The following CFAP161 variants were observed in gnomAD, a reference collection of about 807,000 sequenced individuals.
The protein encoded by CFAP161 is cilia- and flagella-associated protein 161.
A neutral mutation model predicts 29.0 loss-of-function variants in CFAP161; 25 were observed. The ratio of observed to expected loss-of-function variants is 0.86; its 90% CI spans 0.63 to 1.20. CFAP161 has a LOEUF of 1.20. Among genes scored for constraint, CFAP161 ranks in the 50% most tolerant of loss-of-function variants. CFAP161 has a pLI of 0.00. For synonymous variants in CFAP161, 116 were observed against 137.4 expected (o/e 0.84, Z 1.09); for missense variants, 367 against 371.9 (o/e 0.99, Z 0.11).
At chr15:81,126,935 A>G (rs1436063731) in intron 1 of CFAP161, among the ~76,000 whole-genome samples, 4 of 152,220 alleles carry the variant, frequency 2.6e-5, no homozygotes, top group African/African-American at 9.7e-5. Context: ...AAAAATAGAG[A>G]GATAGAGAAC....
chr15:81,147,395 A>T, intron 5 of CFAP161, among the ~76,000 whole-genome samples: 1 of 152,222 alleles, frequency 6.6e-6, no homozygotes, highest in African/African-American at 2.4e-5. Context: ...TTTTTGGTGG[A>T]CGCATCTTTG....
intron 1 of CFAP161, 39 bp downstream of exon 1, chr15:81,134,437 G>T (rs2141877431): frequency 1.3e-6 from 2 of 1,555,034 alleles, no homozygotes; most frequent in South Asian, 1.2e-5. Flanking sequence ...CGCAGCTCAG[G>T]AACTCCCAGA....
intron 4 of CFAP161, among the ~76,000 whole-genome samples, chr15:81,142,864 A>G (rs1015256324): frequency 2.6e-5 from 4 of 152,184 alleles, no homozygotes; most frequent in Admixed American, 1.3e-4. Context: ...AGGCAGCCAG[A>G]TAGCCGACAT....
Position 81,134,372 on chromosome 15 carries a change from T to C in CFAP161, c.43T>C (p.Trp15Arg). The change falls in exon 1 of 7, where the codon TGG (tryptophan) becomes CGG (arginine). Residue 15 changes from tryptophan to arginine, a missense_variant. Transcript: ENST00000286732. ...VYGPGVRIGNWNEDVYLEEEL... is the reference protein window; with the variant it reads ...VYGPGVRIGNRNEDVYLEEEL... ...TGGTCCGGGAGTCCGGATAGGCAAC[T>C]GGAATGAGGATGTCTACCTGGAGGA... 1 of 1,590,574 alleles carries C rather than the reference T, an allele frequency of 6.3e-7. No homozygotes were observed.
intron 1 of CFAP161, among the ~76,000 whole-genome samples, chr15:81,104,763 C>G (rs1196372105): frequency 3.3e-5 from 5 of 152,164 alleles, no homozygotes; most frequent in Non-Finnish European, 7.3e-5. Flanking sequence ...TCCAGGCATC[C>G]CTGTAGGCTT....
intron 3 of CFAP161, among the ~76,000 whole-genome samples, chr15:81,137,352 T>G (rs577081967): frequency 6.6e-6 from 1 of 152,296 alleles, no homozygotes; most frequent in Admixed American, 6.5e-5. Flanking sequence ...CCCAATACTT[T>G]GGGAAGTCAA....
chr15:81,143,724 A>G lies in CFAP161; in HGVS notation c.540A>G (p.Glu180=), dbSNP rs1419795621. 1 of 1,613,972 alleles carries G rather than the reference A, an allele frequency of 6.2e-7. No individual in the cohort carries two copies. The highest frequency in any genetic ancestry group is 8.5e-7 in the Non-Finnish European group (1 of 1,180,008). The part of the protein sequence containing the change: ...LKSSKRSWLQ[E]VYLTDEVSHV... ...CGTCTAAGAGGTCTTGGCTCCAGGA[A>G]GTGTACCTAACAGATGAGGTCTCCC... Residue 180 remains glutamate, a synonymous_variant, in exon 5 of 7, where the codon GAA becomes GAG. Transcript: ENST00000286732.
intron 4 of CFAP161, 22 bp from the exon 5 acceptor site, chr15:81,143,640 A>C: frequency 1.9e-6 from 3 of 1,603,830 alleles, no homozygotes; most frequent in Non-Finnish European, 2.6e-6. Flanking sequence ...GACTTAGTGC[A>C]TCTGCTTGCT....
intron 1 of CFAP161, among the ~76,000 whole-genome samples, chr15:81,103,404 C>T (rs950453198): frequency 6.6e-6 from 1 of 152,052 alleles, no homozygotes; most frequent in Non-Finnish European, 1.5e-5. Flanking sequence ...GTCTCAAGAT[C>T]CTCCCCAGGG....
chr15:81,129,250 G>A (rs1402639333), intron 2 of CFAP161, among the ~76,000 whole-genome samples: 1 of 152,042 alleles, frequency 6.6e-6, no homozygotes, highest in Non-Finnish European at 1.5e-5. Flanking sequence ...TCCAGTTATA[G>A]AGCACAGGAA....
chr15:81,113,969 A>G (rs768389681), intron 1 of CFAP161, among the ~76,000 whole-genome samples: 1 of 152,232 alleles, frequency 6.6e-6, no homozygotes, highest in African/African-American at 2.4e-5. Flanking sequence ...AACAAAAGAC[A>G]TTCTCATCAT....
At chr15:81,129,223 C>T (rs1279715586) in intron 2 of CFAP161, among the ~76,000 whole-genome samples, 1 of 151,980 alleles carries the variant, frequency 6.6e-6, no homozygotes, top group African/African-American at 2.4e-5. Context: ...GATGTGCTGT[C>T]ATCCAGGCTT....
At chr15:81,123,545 T>C (rs1445009387) in intron 1 of CFAP161, among the ~76,000 whole-genome samples, 4 of 152,200 alleles carry the variant, frequency 2.6e-5, no homozygotes, top group Admixed American at 1.3e-4. Context: ...TCATATGAAT[T>C]TTAAAATAGT....
At chr15:81,110,582 G>A (rs751986459) in intron 1 of CFAP161, among the ~76,000 whole-genome samples, 101 of 152,250 alleles carry the variant, frequency 6.6e-4, no homozygotes, top group Non-Finnish European at 1.1e-3. Context: ...ACTACTCTGG[G>A]TCCATGCCGG....
chr15:81,146,039 G>A (rs929065464), intron 5 of CFAP161, among the ~76,000 whole-genome samples: 1 of 152,240 alleles, frequency 6.6e-6, no homozygotes, highest in Non-Finnish European at 1.5e-5. Flanking sequence ...GGAGAGGCCA[G>A]TGTTTGGTAT....
At chr15:81,141,140 A>G (rs1894900589) in intron 4 of CFAP161, among the ~76,000 whole-genome samples, 1 of 152,196 alleles carries the variant, frequency 6.6e-6, no homozygotes, top group Non-Finnish European at 1.5e-5. Context: ...AAATTCACAT[A>G]TTTAGTAACT....
At chr15:81,148,090 A>AT (rs1390808383) in intron 6 of CFAP161, among the ~76,000 whole-genome samples, 159 bp downstream of exon 6, 1 of 152,152 alleles carries the variant, frequency 6.6e-6, no homozygotes, top group African/African-American at 2.4e-5. Flanking sequence ...GAAAAATCCT[A>AT]TTAGAGCCCC....
chr15:81,103,407 C>T (rs1364518297), intron 1 of CFAP161, among the ~76,000 whole-genome samples: 4 of 152,096 alleles, frequency 2.6e-5, no homozygotes, highest in Non-Finnish European at 5.9e-5. Context: ...TCAAGATCCT[C>T]CCCAGGGAGG....
Position 81,148,477 on chromosome 15 carries a change from C to A in CFAP161, c.850C>A (p.Pro284Thr), listed in dbSNP as rs2279997. ...ASSSMLDLPK[P>T]PTEDTRAMEQ... is the part of the protein sequence containing the mutation. ...GTCCTCCATGTTGGATCTGCCCAAA[C>A]CACCCACAGAGGACACTCGAGCCAT... Residue 284 changes from proline to threonine, a missense_variant, in exon 7 of 7, where the codon CCA becomes ACA. Physicochemically the swap from Pro to Thr is conservative, Grantham distance 38. Transcript: ENST00000286732. The A allele has an allele frequency of 6.2e-7, 1 of 1,614,194 alleles. No individual in the cohort carries two copies. The highest frequency in any genetic ancestry group is 1.3e-5 in the African/African-American group (1 of 75,056).
Sources: gnomAD v4.1 joint callset for allele counts (sites outside exome capture counted in the v4.1 genomes callset) on GRCh38, gnomAD v4.1.1 for gene constraint, MANE v1.5 for transcripts, NCBI Gene and HGNC (gene_info 2026-07-23, HGNC 2026-07-21) for gene names.